The following RHOBTB2 variants were observed in gnomAD, a reference collection of about 807,000 sequenced individuals.
RHOBTB2 encodes Rho related BTB domain containing 2.
RHOBTB2 carries 39 observed loss-of-function variants against 66.5 expected under a neutral mutation model. That is an observed-to-expected ratio of 0.59 (90% confidence interval 0.45 to 0.77). The LOEUF (loss-of-function observed/expected upper bound fraction) is 0.77. Ranked by LOEUF, RHOBTB2 falls within the 30% of genes least tolerant of loss-of-function variation. RHOBTB2 has a pLI of 0.00. For synonymous variants in RHOBTB2, 390 were observed against 395.0 expected (o/e 0.99, Z 0.15); for missense variants, 755 against 999.1 (o/e 0.76, Z 3.29).
rs1237961543 is a variant in RHOBTB2, at chr8:22,993,664, GT to G, written c.-23-895del. 3.3e-5 allele frequency among the ~76,000 whole-genome samples: 5 copies of G among 152,340 alleles called. No individual in the cohort carries two copies. In the South Asian group the frequency reaches 6.2e-4, roughly 19 times the overall value. On this transcript the variant is annotated intron_variant, in intron 2 of 11. Transcript: ENST00000519685. The stretch of plus-strand genomic sequence containing the variant: ...CCGAGTTCATTGGTTGCTCCTCTGC[GT>G]TGGTTTCTTTTCACTCCTGGGAGCT...
Position 23,019,917 on chromosome 8 carries a change from AGG to A in RHOBTB2, c.*2451_*2452del, listed in dbSNP as rs984186365. 2 of 230,684 alleles carry A rather than the reference AGG, an allele frequency of 8.7e-6. No homozygotes were observed. The highest frequency in any genetic ancestry group is 1.7e-5 in the Non-Finnish European group (2 of 114,978). The allele number at this position is 230,684 out of a possible 1,614,324, so 14.3% of individuals were successfully genotyped here. On this transcript the variant is annotated 3_prime_UTR_variant, in exon 10 of 10. Transcript: ENST00000251822. ...AGAGGGAGGAGCAGGCAGGAGAGAG[AGG>A]GGAAGGAGGTATGAATCCCAGTCCC...
chr8:22,951,244 C>CTTTTTTTTT, the RHOBTB2 span, among the ~76,000 whole-genome samples: 2 of 87,966 alleles, frequency 2.3e-5, no homozygotes, highest in Non-Finnish European at 4.1e-5. Context: ...CTACTTAGCT[C>CTTTTTTTTT]TTTTTTTTTT....
chr8:22,994,938 G>C (rs1318475981), upstream of RHOBTB2, among the ~76,000 whole-genome samples: 1 of 152,032 alleles, frequency 6.6e-6, no homozygotes, highest in East Asian at 1.9e-4. Context: ...GCTAATTTTT[G>C]TATTTTTAGT....
At chr8:22,971,338 C>T in the RHOBTB2 span, among the ~76,000 whole-genome samples, 1 of 136,768 alleles carries the variant, frequency 7.3e-6, no homozygotes, top group South Asian at 2.4e-4. Flanking sequence ...GCATGTGTCA[C>T]TACGCCCATC....
chr8:22,962,528 A>G, the RHOBTB2 span, among the ~76,000 whole-genome samples: 1 of 152,210 alleles, frequency 6.6e-6, no homozygotes. Flanking sequence ...TATGGGAGAA[A>G]GCCTGAATGC....
chr8:22,990,332 C>T lies in RHOBTB2; in HGVS notation c.-136-1736C>T, dbSNP rs140601185. ...GGCCCAGAAGGGCTGCTGGTGCACCCGTGCCACCTTCGCCCTCCACACCCC... is the reference window on the plus strand; with the variant it reads ...GGCCCAGAAGGGCTGCTGGTGCACCTGTGCCACCTTCGCCCTCCACACCCC... On this transcript the variant is annotated intron_variant, in intron 1 of 11. Coordinates refer to the RHOBTB2 transcript ENST00000519685. Among the ~76,000 whole-genome samples the T allele has an allele frequency of 7.6e-3, 1,153 of 152,230 alleles. 15 individuals are homozygous for T. Among genetic ancestry groups the T allele is most frequent in the African/African-American group, 0.026 (1,072 of 41,516 alleles).
chr8:23,010,713 C>A (rs1330042880), intron 7 of RHOBTB2, 25 bp downstream of exon 7: 2 of 1,611,810 alleles, frequency 1.2e-6, no homozygotes, highest in Non-Finnish European at 8.5e-7. Context: ...CACTCGGGGA[C>A]CTCCCCGCGG....
chr8:22,953,670 G>GTGCT, the RHOBTB2 span, among the ~76,000 whole-genome samples: 132 of 152,302 alleles, frequency 8.7e-4, no homozygotes, highest in African/African-American at 3.0e-3. Context: ...TTTTAGCACT[G>GTGCT]AGTGCTGTAC....
At chr8:22,962,777 G>C in the RHOBTB2 span, among the ~76,000 whole-genome samples, 1 of 152,212 alleles carries the variant, frequency 6.6e-6, no homozygotes, top group Non-Finnish European at 1.5e-5. Flanking sequence ...TGAAGAGCAG[G>C]ATGAGAGAAA....
chr8:23,003,159 C>T (rs545032887), intron 1 of RHOBTB2, among the ~76,000 whole-genome samples: 5 of 152,286 alleles, frequency 3.3e-5, no homozygotes, highest in East Asian at 3.9e-4. Flanking sequence ...GTGAGTGGGG[C>T]GGGCAGATGA....
chr8:22,964,060 C>T, the RHOBTB2 span, among the ~76,000 whole-genome samples: 26 of 152,090 alleles, frequency 1.7e-4, no homozygotes, highest in East Asian at 3.9e-4. Flanking sequence ...GGATTACAAG[C>T]GTGAGTCACC....
the RHOBTB2 span, chr8:22,977,995 T>C: frequency 2.0e-5 from 3 of 152,050 alleles, no homozygotes; most frequent in Admixed American, 1.3e-4. Context: ...CACATCAATA[T>C]GGTGACATCC....
intron 8 of RHOBTB2, among the ~76,000 whole-genome samples, chr8:23,015,029 G>A (rs1455000185): frequency 6.6e-6 from 1 of 152,138 alleles, no homozygotes; most frequent in East Asian, 1.9e-4. Context: ...GCTGGGGAGG[G>A]AACCCCAGGC....
chr8:22,999,158 G>GC (rs1005248012), upstream of RHOBTB2: 2 of 141,850 alleles, frequency 1.4e-5, no homozygotes, highest in Admixed American at 6.9e-5. Flanking sequence ...CCCGCCCCCC[G>GC]CCCCCCCGAC....
chr8:23,018,480 A>G lies in RHOBTB2; in HGVS notation c.*1011A>G, dbSNP rs568389067. On this transcript the variant is annotated 3_prime_UTR_variant, in exon 10 of 10. Coordinates refer to ENST00000251822, the MANE Select transcript of RHOBTB2 (RefSeq NM_015178.3). ...CACATTTCTATAAACAGAGGCCCCC[A>G]TGATGAGGAGGTGAAGATTTAGGTT... 1 of 152,554 alleles carries G rather than the reference A, an allele frequency of 6.6e-6. No individual in the cohort carries two copies. The highest frequency in any genetic ancestry group is 2.1e-4 in the South Asian group (1 of 4,832). 9.5% of individuals were successfully genotyped at this position (152,554 alleles called of 1,614,324 possible).
the RHOBTB2 span, among the ~76,000 whole-genome samples, chr8:22,964,784 TTTTA>T: frequency 0.32 from 45,522 of 142,248 alleles, 8,458 homozygotes; most frequent in African/African-American, 0.51. Flanking sequence ...ATTAGCTTTA[TTTTA>T]TTTATTTATT....
Position 22,999,968 on chromosome 8 carries a change from C to T in RHOBTB2, c.-148C>T, listed in dbSNP as rs965131652. 17 of 985,554 alleles carry T rather than the reference C, an allele frequency of 1.7e-5. No homozygotes were observed. The Admixed American group carries it at 7.4e-4, about 43-fold the overall frequency. The allele number at this position is 985,554 out of a possible 1,614,324, so 61.1% of individuals were successfully genotyped here. ...CGCGAGCTGGCCGGGAGGCTGGAGC[C>T]CAGCAGCAGCGCGGCGGCGCCGGCG... On this transcript the variant is annotated 5_prime_UTR_variant, in exon 1 of 10. Coordinates refer to ENST00000251822, the MANE Select transcript of RHOBTB2 (RefSeq NM_015178.3).
the RHOBTB2 span, among the ~76,000 whole-genome samples, chr8:22,959,367 C>T: frequency 1.3e-4 from 20 of 152,198 alleles, no homozygotes; most frequent in Non-Finnish European, 2.1e-4. Context: ...CTGCCTCGGG[C>T]TCCCGAGTAG....
chr8:23,010,920 G>A (rs910302550), intron 7 of RHOBTB2, among the ~76,000 whole-genome samples: 7 of 152,126 alleles, frequency 4.6e-5, no homozygotes, highest in Non-Finnish European at 8.8e-5. Context: ...CTCCAAAGGC[G>A]ATTTAAACCC....
Sources: allele counts gnomAD v4.1 joint callset (sites outside exome capture counted in the v4.1 genomes callset), GRCh38; gene constraint gnomAD v4.1.1; transcripts MANE v1.5; gene names NCBI Gene and HGNC (gene_info 2026-07-23, HGNC 2026-07-21).